NRDE2: variants seen among roughly 807,000 people sequenced by gnomAD.
The protein encoded by NRDE2 is nuclear exosome regulator NRDE2.
A neutral mutation model predicts 124.2 loss-of-function variants in NRDE2; 76 were observed. The observed-to-expected ratio is 0.61, with a 90% confidence interval of 0.51 to 0.74. The LOEUF is 0.74. Ranked by LOEUF, NRDE2 falls within the 30% of genes least tolerant of loss-of-function variation. The pLI is 0.00. For missense variants in NRDE2, 1,314 were observed against 1,417.3 expected (o/e 0.93, Z 1.17); for synonymous variants, 489 against 528.1 (o/e 0.93, Z 1.01).
chr14:90,305,155 TA>T (rs199558498), intron 4 of NRDE2, among the ~76,000 whole-genome samples: 50 of 141,496 alleles, frequency 3.5e-4, no homozygotes, highest in East Asian at 8.3e-4. Flanking sequence ...AATAAGCACA[TA>T]AAAAAAAAAA....
At chr14:90,326,387 G>A (rs1448966614) in intron 1 of NRDE2, among the ~76,000 whole-genome samples, 2 of 151,870 alleles carry the variant, frequency 1.3e-5, no homozygotes, top group African/African-American at 4.8e-5. Flanking sequence ...CCAGCTACTC[G>A]GGAGGCTGAG....
Position 90,287,650 on chromosome 14 carries a change from G to A in NRDE2, c.3158+567C>T, listed in dbSNP as rs773875554. On this transcript the variant is annotated intron_variant, in intron 11 of 13. Coordinates refer to ENST00000354366, the MANE Select transcript of NRDE2 (RefSeq NM_017970.4). ...AATAAAAATAAAAAAAGAAAATATC[G>A]TATCAAAGATGGAATTTAAACATGA... 3.3e-5 allele frequency among the ~76,000 whole-genome samples: 5 copies of A among 151,828 alleles called. 1 individual carries two copies. The South Asian group carries it at 6.2e-4, about 19-fold the overall frequency.
At chr14:90,311,053 G>A (rs929669071) in intron 4 of NRDE2, among the ~76,000 whole-genome samples, 2 of 152,320 alleles carry the variant, frequency 1.3e-5, no homozygotes, top group South Asian at 2.1e-4. Context: ...CTTATGTGGT[G>A]AGGTATAATG....
Position 90,275,512 on chromosome 14 carries a change from A to G in NRDE2, c.*2824T>C, listed in dbSNP as rs1566678463. On this transcript the variant is annotated 3_prime_UTR_variant, in exon 14 of 14. Transcript: ENST00000354366. ...ACAGTCTCCCTCATGTCAATTCTAC[A>G]AAAGCAGCTAAAGCAAATGCCAGGG... The G allele has an allele frequency of 6.6e-6, 1 of 152,242 alleles. No individual in the cohort carries two copies. The allele number at this position is 152,242 out of a possible 1,614,324, so 9.4% of individuals were successfully genotyped here.
At chr14:90,303,166 TG>T in intron 5 of NRDE2, 41 bp from the exon 6 acceptor site, 4 of 1,556,278 alleles carry the variant, frequency 2.6e-6, no homozygotes, top group Non-Finnish European at 3.5e-6. Context: ...CAAATGGACC[TG>T]GGAGATCCTG....
In NRDE2 at chr14:90,272,127, T is replaced by C. The variant is rs2139653943; in HGVS notation, c.*6209A>G. Reference sequence around the variant, plus strand: ...CAGGCTGGTCTTGAACTCCTGACCTTAGGCGATCCACCTGCCTCGGCCTCC... The same window carrying C: ...CAGGCTGGTCTTGAACTCCTGACCTCAGGCGATCCACCTGCCTCGGCCTCC... On this transcript the variant is annotated 3_prime_UTR_variant, in exon 14 of 14. Coordinates refer to ENST00000354366, the MANE Select transcript of NRDE2 (RefSeq NM_017970.4). This position sits in a 1 kb window ranked among gnomAD's most constrained non-coding sequence, Gnocchi z 4.5. 1.3e-6 allele frequency: 1 copy of C among 754,782 alleles called. No individual in the cohort carries two copies. The highest frequency in any genetic ancestry group is 1.7e-5 in the South Asian group (1 of 58,230). 46.8% of individuals were successfully genotyped at this position (754,782 alleles called of 1,614,324 possible).
chr14:90,312,420 C>A lies in NRDE2; in HGVS notation c.531G>T (p.Lys177Asn). Residue 177 changes from lysine to asparagine, a missense_variant, in exon 4 of 14, where the codon AAG becomes AAT. By Grantham distance (94) the Lys-to-Asn change is moderately conservative. Transcript: ENST00000354366. ...KKPDPANWEY[K>N]SLYRGDIARY... ...TTGCTATATCCCCTCGGTAGAGAGA[C>A]TTGTACTCCCAGTTCGCAGGATCTG... The A allele has an allele frequency of 6.2e-7, 1 of 1,613,994 alleles. No individual in the cohort carries two copies. The highest frequency in any genetic ancestry group is 8.5e-7 in the Non-Finnish European group (1 of 1,179,966).
chr14:90,330,020 A>C (rs1045307226), intron 1 of NRDE2, among the ~76,000 whole-genome samples: 3 of 151,594 alleles, frequency 2.0e-5, no homozygotes, highest in African/African-American at 7.3e-5. Context: ...CAGCCTGGCC[A>C]AAACAGTGAA....
chr14:90,330,206 C>CAAAAAAAAAAAAAAAA (rs5810495), intron 1 of NRDE2, among the ~76,000 whole-genome samples: 1 of 132,158 alleles, frequency 7.6e-6, no homozygotes, highest in Non-Finnish European at 1.6e-5. Context: ...GACTTGGTCT[C>CAAAAAAAAAAAAAAAA]AAAAAAAAAA....
intron 3 of NRDE2, among the ~76,000 whole-genome samples, chr14:90,316,251 C>G (rs1595074768): frequency 6.6e-6 from 1 of 152,034 alleles, no homozygotes; most frequent in South Asian, 2.1e-4. Context: ...AGTGTGGAGA[C>G]CCACGGCCCT....
At chr14:90,327,803 G>A (rs1885498206) in intron 1 of NRDE2, among the ~76,000 whole-genome samples, 1 of 152,154 alleles carries the variant, frequency 6.6e-6, no homozygotes, top group Non-Finnish European at 1.5e-5. Flanking sequence ...TTCGAGACTA[G>A]CCTGGCCAAC....
At chr14:90,303,210 C>T in intron 5 of NRDE2, 85 bp from the exon 6 acceptor site, 1 of 1,288,050 alleles carries the variant, frequency 7.8e-7, no homozygotes. Flanking sequence ...TTTCTTACCA[C>T]CCCCTAGGGA....
chr14:90,274,840 C>CACACACACACA lies in NRDE2; in HGVS notation c.*3495_*3496insTGTGTGTGTGT, dbSNP rs1891768392. ...CACACACACACACACACACACACAC[C>CACACACACACA]CCAATACATATGAATTGATCTGAAA... On this transcript the variant is annotated 3_prime_UTR_variant, in exon 14 of 14. Coordinates refer to ENST00000354366, the MANE Select transcript of NRDE2 (RefSeq NM_017970.4). 9.1e-6 allele frequency: 1 copy of CACACACACACA among 110,052 alleles called. No homozygotes were observed. The highest frequency in any genetic ancestry group is 3.5e-5 in the African/African-American group (1 of 28,574). 6.8% of individuals were successfully genotyped at this position (110,052 alleles called of 1,614,324 possible).
chr14:90,304,524 T>C, intron 4 of NRDE2, 142 bp from the exon 5 acceptor site: 1 of 609,852 alleles, frequency 1.6e-6, no homozygotes, highest in Non-Finnish European at 2.8e-6. Context: ...TTGTTTCTAT[T>C]TGGAGATACA....
intron 1 of NRDE2, among the ~76,000 whole-genome samples, chr14:90,330,184 G>A (rs1361059377): frequency 8.8e-6 from 1 of 113,472 alleles, no homozygotes; most frequent in Non-Finnish European, 1.9e-5. Flanking sequence ...TCCAGCTTGG[G>A]CGACAGAGCA....
intron 8 of NRDE2, among the ~76,000 whole-genome samples, chr14:90,296,678 T>C (rs990579604): frequency 6.6e-6 from 1 of 151,808 alleles, no homozygotes; most frequent in African/African-American, 2.4e-5. Flanking sequence ...CCTGAGTCCT[T>C]GTCCATCACT....
At chr14:90,312,343 G>GA in intron 4 of NRDE2, 51 bp downstream of exon 4, 1 of 1,592,294 alleles carries the variant, frequency 6.3e-7, no homozygotes. Flanking sequence ...GTTCCGAGGA[G>GA]AAAAAAGTCA....
At chr14:90,297,473 C>A (rs1261142487) in intron 8 of NRDE2, among the ~76,000 whole-genome samples, 1 of 151,992 alleles carries the variant, frequency 6.6e-6, no homozygotes, top group Non-Finnish European at 1.5e-5. Context: ...TTGGGCAGCT[C>A]TGTATTAGAG....
At chr14:90,328,048 C>G (rs2139720336) in intron 1 of NRDE2, among the ~76,000 whole-genome samples, 1 of 151,798 alleles carries the variant, frequency 6.6e-6, no homozygotes, top group East Asian at 1.9e-4. Context: ...GAGGCTGAGG[C>G]AGGAAAATGG....
Sources: allele counts gnomAD v4.1 joint callset (sites outside exome capture counted in the v4.1 genomes callset), GRCh38; gene constraint gnomAD v4.1.1; non-coding constraint Gnocchi (gnomAD v3.1); transcripts MANE v1.5; gene names NCBI Gene and HGNC (gene_info 2026-07-23, HGNC 2026-07-21).